VPS50: variants seen among roughly 807,000 people sequenced by gnomAD.
VPS50 encodes the protein syndetin.
VPS50 carries 70 observed loss-of-function variants against 139.7 expected under a neutral mutation model. The ratio of observed to expected loss-of-function variants is 0.50; its 90% CI spans 0.41 to 0.61. VPS50 has a LOEUF of 0.61. Among genes scored for constraint, VPS50 ranks in the 20% least tolerant of loss-of-function variants. The probability of loss-of-function intolerance (pLI) is 0.00; values close to 1 mark genes in which losing one functional copy is unlikely to be tolerated. For synonymous variants in VPS50, 365 were observed against 376.7 expected (o/e 0.97, Z 0.36); for missense variants, 921 against 1,133.7 (o/e 0.81, Z 2.69).
chr7:93,273,288 T>C (rs1255137829), intron 11 of VPS50: 1 of 152,076 alleles, frequency 6.6e-6, no homozygotes, highest in Non-Finnish European at 1.5e-5. Flanking sequence ...CTTGAAAAGC[T>C]TGAAACAGGT....
chr7:93,348,411 A>G (rs1480871595), intron 23 of VPS50, among the ~76,000 whole-genome samples: 1 of 152,184 alleles, frequency 6.6e-6, no homozygotes, highest in Admixed American at 6.5e-5. Context: ...TCAACCTGCT[A>G]CTCTGGGCTC....
At chr7:93,313,437 C>A (rs935477891) in intron 20 of VPS50, among the ~76,000 whole-genome samples, 18 of 152,044 alleles carry the variant, frequency 1.2e-4, no homozygotes, top group African/African-American at 4.3e-4. Flanking sequence ...TCATTATAAT[C>A]AAATAAAATA....
rs760666012 is a variant in VPS50 at position 93,258,282 on chromosome 7, T to A, written c.540+6T>A. 2.6e-6 allele frequency: 4 copies of A among 1,563,438 alleles called. No homozygotes were observed. In the Admixed American group the frequency reaches 5.0e-5, roughly 20 times the overall value. On this transcript the variant is annotated splice_donor_region_variant and intron_variant, in intron 7 of 27. Transcript: ENST00000305866. Reference sequence around the variant, plus strand: ...TGAGAACTATAAAAACATTGGTATATATGGGTCATTTAAAAAAATTAAAAC... The same window carrying A: ...TGAGAACTATAAAAACATTGGTATAAATGGGTCATTTAAAAAAATTAAAAC...
intron 20 of VPS50, among the ~76,000 whole-genome samples, chr7:93,311,559 G>T (rs190050121): frequency 6.6e-6 from 1 of 152,112 alleles, no homozygotes; most frequent in Admixed American, 6.5e-5. Flanking sequence ...CTCTAGGTAG[G>T]TTAGAGGTAT....
chr7:93,246,226 A>T, intron 2 of VPS50: 1 of 823,082 alleles, frequency 1.2e-6, no homozygotes, highest in Non-Finnish European at 1.9e-6. Flanking sequence ...TTGATCAAAG[A>T]TTTGCTGTGG....
chr7:93,243,031 A>T (rs1377555607), intron 2 of VPS50, among the ~76,000 whole-genome samples: 1 of 151,908 alleles, frequency 6.6e-6, no homozygotes, highest in African/African-American at 2.4e-5. Flanking sequence ...ATAAATTCAA[A>T]GTGGGAAGAA....
At chr7:93,300,976 CAT>C (rs1796957687) in intron 16 of VPS50, among the ~76,000 whole-genome samples, 1 of 151,938 alleles carries the variant, frequency 6.6e-6, no homozygotes, top group African/African-American at 2.4e-5. Context: ...TCTATCAAAA[CAT>C]AAAAATTGTC....
intron 9 of VPS50, among the ~76,000 whole-genome samples, chr7:93,260,232 T>C (rs1795624421): frequency 6.6e-6 from 1 of 152,224 alleles, no homozygotes; most frequent in African/African-American, 2.4e-5. Context: ...TTTGGTTTGC[T>C]TAAAATGAAG....
intron 20 of VPS50, among the ~76,000 whole-genome samples, chr7:93,314,797 CATGGGAGACAAGAGATCCACTCCTTCATT>C (rs1797374784): frequency 6.6e-6 from 1 of 151,978 alleles, no homozygotes; most frequent in African/African-American, 2.4e-5. Flanking sequence ...AGAACACAGG[CATGGGAGACAAGAGATCCACTCCTTCATT>C]AGGACATTCT....
chr7:93,350,810 G>A (rs1444933473), intron 25 of VPS50, among the ~76,000 whole-genome samples: 1 of 152,146 alleles, frequency 6.6e-6, no homozygotes, highest in Non-Finnish European at 1.5e-5. Flanking sequence ...GATGAGGCCT[G>A]AGGGAAGTAA....
chr7:93,261,414 AC>A (rs1384532930), intron 9 of VPS50, among the ~76,000 whole-genome samples: 2 of 152,146 alleles, frequency 1.3e-5, no homozygotes, highest in African/African-American at 4.8e-5. Context: ...GCGGTGGCTC[AC>A]GCTTGTAATC....
intron 9 of VPS50, among the ~76,000 whole-genome samples, chr7:93,266,963 A>T (rs1183104685): frequency 1.3e-5 from 2 of 152,220 alleles, no homozygotes; most frequent in Non-Finnish European, 2.9e-5. Flanking sequence ...GTAGTCTTCC[A>T]TATGCTGTTT....
intron 4 of VPS50, among the ~76,000 whole-genome samples, chr7:93,255,692 A>T (rs1795464459): frequency 6.6e-6 from 1 of 152,236 alleles, no homozygotes; most frequent in Non-Finnish European, 1.5e-5. Flanking sequence ...GTGTATCTAA[A>T]AATTAATGTA....
intron 12 of VPS50, among the ~76,000 whole-genome samples, chr7:93,279,994 A>G (rs1024122116): frequency 1.3e-5 from 2 of 152,152 alleles, no homozygotes; most frequent in Admixed American, 6.5e-5. Context: ...TAATTAAAAA[A>G]AAAAGAAAAA....
chr7:93,355,378 A>G (rs1223655103), intron 26 of VPS50, among the ~76,000 whole-genome samples: 1 of 152,172 alleles, frequency 6.6e-6, no homozygotes, highest in Non-Finnish European at 1.5e-5. Flanking sequence ...TAAGCTTTTT[A>G]TCATGAAAAA....
intron 2 of VPS50, chr7:93,246,084 T>C (rs754508788): frequency 1.4e-5 from 18 of 1,299,668 alleles, no homozygotes; most frequent in Middle Eastern, 1.9e-4. Context: ...AAACGCTTCT[T>C]TTTTTTTTTG....
At chr7:93,259,505 A>G in intron 8 of VPS50, 45 bp from the exon 9 acceptor site, 2 of 1,010,256 alleles carry the variant, frequency 2.0e-6, no homozygotes, top group South Asian at 2.8e-5. Flanking sequence ...GGGCTTTAAG[A>G]AAAAATGTTT....
At chr7:93,347,068 C>A (rs1798417556) in intron 23 of VPS50, among the ~76,000 whole-genome samples, 1 of 146,548 alleles carries the variant, frequency 6.8e-6, no homozygotes, top group South Asian at 2.2e-4. Context: ...ATTTTCGCAA[C>A]CTACTCATCT....
At chr7:93,331,641 A>G (rs1240124775) in intron 21 of VPS50, among the ~76,000 whole-genome samples, 1 of 152,202 alleles carries the variant, frequency 6.6e-6, no homozygotes, top group Non-Finnish European at 1.5e-5. Context: ...ACTTCTAGAA[A>G]AAACTAGGAG....
Sources: gnomAD v4.1 joint callset for allele counts (sites outside exome capture counted in the v4.1 genomes callset) on GRCh38, gnomAD v4.1.1 for gene constraint, MANE v1.5 for transcripts, NCBI Gene and HGNC (gene_info 2026-07-23, HGNC 2026-07-21) for gene names.